Variants in FAM98B observed in about 807,000 individuals in gnomAD.
The protein encoded by FAM98B is tRNA splicing ligase complex subunit 3B, also known as tRNA-splicing ligase complex subunit FAM98B.
FAM98B carries 32 observed loss-of-function variants against 43.9 expected under a neutral mutation model. That is an observed-to-expected ratio of 0.73 (90% CI 0.55 to 0.98). The LOEUF is 0.98. Among genes scored for constraint, FAM98B ranks in the 50% least tolerant of loss-of-function variants. The pLI is 0.00. For synonymous variants in FAM98B, 190 were observed against 174.0 expected, an observed-to-expected ratio of 1.09 and a Z score of -0.72; for missense variants, 514 against 522.9, an observed-to-expected ratio of 0.98 and a Z score of 0.17.
At chr15:38,484,206 A>C in intron 7 of FAM98B, 49 bp from the exon 8 acceptor site, 1 of 1,522,262 alleles carries the variant, frequency 6.6e-7, no homozygotes, top group Non-Finnish European at 8.9e-7. Flanking sequence ...ACTTTTATGT[A>C]AACTTTTTTG....
At chr15:38,481,769 A>G (rs1566901631) in intron 7 of FAM98B, 2 of 735,330 alleles carry the variant, frequency 2.7e-6, no homozygotes, top group Non-Finnish European at 4.2e-6. Flanking sequence ...ATCTTTCGGA[A>G]TTGTTTCAAG....
chr15:38,465,345 C>G lies in FAM98B; in HGVS notation c.294C>G (p.Leu98=). 1 of 1,610,408 alleles carries G rather than the reference C, an allele frequency of 6.2e-7. No individual in the cohort carries two copies. The highest frequency in any genetic ancestry group is 8.5e-7 in the Non-Finnish European group (1 of 1,178,524). The stretch of plus-strand genomic sequence containing the variant: ...AAATGGCATGTCCATATTCTGTACT[C>G]ATATCAGGAGATATTAAAGATCGTT... ...LKEMACPYSV[L]ISGDIKDRLK... The change falls in exon 3 of 8, where the codon CTC becomes CTG. Residue 98 remains leucine (L), a synonymous_variant. Transcript: ENST00000397609.
intron 4 of FAM98B, chr15:38,470,648 A>G (rs1595800633): frequency 3.4e-6 from 1 of 296,666 alleles, no homozygotes; most frequent in East Asian, 6.2e-5. Flanking sequence ...GTTTACCATG[A>G]TAGAAATCAC....
At position 38,459,175 on chromosome 15, in the gene FAM98B, C is replaced by T. The variant is rs1040930738; in HGVS notation, c.72-4857C>T. ...GTGGTCTCCTCAATCTCTGTAGGCA[C>T]TGTGAAGCTAGCATTGTTGCTGGGC... On this transcript the variant is annotated intron_variant, in intron 1 of 7. Coordinates refer to ENST00000397609, the MANE Select transcript of FAM98B (RefSeq NM_173611.4). The T allele has an allele frequency of 6.3e-5, 25 of 396,426 alleles. No homozygotes were observed. In the East Asian group the frequency reaches 1.6e-3, roughly 25 times the overall value. 24.6% of individuals were successfully genotyped at this position (396,426 alleles called of 1,614,324 possible). A position where few individuals can be genotyped will look rare whatever the true frequency, so the allele number is the denominator to read the frequency against.
At position 38,465,300 on chromosome 15, in the gene FAM98B, G is replaced by C. The variant is rs774412398; in HGVS notation, c.249G>C (p.Glu83Asp). ...GRDDLESFQLEISGFLKEMAC... is the reference protein window; with the variant it reads ...GRDDLESFQLDISGFLKEMAC... ...ATGATCTAGAGAGCTTCCAGCTTGA[G>C]ATAAGTGGCTTTTTAAAAGAAATGG... The change falls in exon 3 of 8, where the codon GAG becomes GAC. Residue 83 changes from glutamate to aspartate, a missense_variant. Glu to Asp is a conservative substitution (Grantham distance 45, BLOSUM62 2). Coordinates refer to ENST00000397609, the MANE Select transcript of FAM98B (RefSeq NM_173611.4). 15 of 1,610,668 alleles carry C rather than the reference G, an allele frequency of 9.3e-6. No individual in the cohort carries two copies. The highest frequency in any genetic ancestry group is 1.2e-5 in the Non-Finnish European group (14 of 1,179,048).
Position 38,481,430 on chromosome 15 carries a change from C to G in FAM98B, c.868C>G (p.Arg290Gly). The G allele has an allele frequency of 1.2e-6, 2 of 1,614,150 alleles. No individual in the cohort carries two copies. The highest frequency in any genetic ancestry group is 1.7e-6 in the Non-Finnish European group (2 of 1,180,026). Residue 290 changes from arginine to glycine, a missense_variant, in exon 7 of 8, where the codon CGG (arginine) becomes GGG (glycine). Physicochemically the swap from Arg to Gly is moderately radical, Grantham distance 125. Around this residue, in one of 2 missense-constraint regions of FAM98B, gnomAD observed 469 missense variants for 451.8 expected, o/e 1.04. Transcript: ENST00000397609. ...KIIRTSSGTS[R>G]EKTACAINKV... Reference sequence around the variant, plus strand: ...CATTAGGACAAGTAGTGGCACCAGCCGGGAGAAGACCGCATGTGCCATTAA... The same window carrying G: ...CATTAGGACAAGTAGTGGCACCAGCGGGGAGAAGACCGCATGTGCCATTAA...
intron 1 of FAM98B, among the ~76,000 whole-genome samples, chr15:38,454,512 C>T (rs1005014744): frequency 6.6e-6 from 1 of 152,208 alleles, no homozygotes; most frequent in Admixed American, 6.5e-5. Flanking sequence ...GCGGAGCGGC[C>T]CTTCTAGCAC....
At chr15:38,481,131 T>A (rs1890277056) in intron 6 of FAM98B, among the ~76,000 whole-genome samples, 161 bp from the exon 7 acceptor site, 2 of 152,214 alleles carry the variant, frequency 1.3e-5, no homozygotes, top group African/African-American at 2.4e-5. Context: ...TTATTTGTTC[T>A]AAATTATTCA....
intron 3 of FAM98B, among the ~76,000 whole-genome samples, chr15:38,468,351 C>T (rs934197009): frequency 3.3e-5 from 5 of 152,034 alleles, no homozygotes; most frequent in Non-Finnish European, 4.4e-5. Flanking sequence ...TCTCAGCCTG[C>T]ATAACTGGGA....
At chr15:38,464,869 T>A (rs1890005076) in intron 2 of FAM98B, among the ~76,000 whole-genome samples, 1 of 152,156 alleles carries the variant, frequency 6.6e-6, no homozygotes, top group African/African-American at 2.4e-5. Context: ...CCCAAGTAGT[T>A]GAAACTGCAG....
chr15:38,479,098 A>G (rs1048778269), intron 6 of FAM98B, among the ~76,000 whole-genome samples: 3 of 151,972 alleles, frequency 2.0e-5, no homozygotes, highest in Non-Finnish European at 4.4e-5. Flanking sequence ...AGCTGGGACT[A>G]CAGACGTGTG....
intron 1 of FAM98B, among the ~76,000 whole-genome samples, chr15:38,457,432 T>C (rs552905444): frequency 1.3e-5 from 2 of 152,230 alleles, no homozygotes; most frequent in Admixed American, 1.3e-4. Context: ...ATATGGAGAA[T>C]GCAGAGGAAT....
At position 38,484,758 on chromosome 15, in the gene FAM98B, C is replaced by T; in HGVS notation, c.*99C>T. The T allele has an allele frequency of 1.4e-6, 2 of 1,449,978 alleles. No homozygotes were observed. Among genetic ancestry groups the T allele is most frequent in the East Asian group, 2.8e-5 (1 of 35,250 alleles). 89.8% of individuals were successfully genotyped at this position (1,449,978 alleles called of 1,614,324 possible). A position where few individuals can be genotyped will look rare whatever the true frequency, so the allele number is the denominator to read the frequency against. On this transcript the variant is annotated 3_prime_UTR_variant, in exon 8 of 8. Coordinates refer to ENST00000397609, the MANE Select transcript of FAM98B (RefSeq NM_173611.4). ...TGAATATCATCTTTGAAGTAAACAC[C>T]ATGTTAGACTCCCTGGTGATACCAC...
chr15:38,475,964 C>T (rs1890193618), intron 6 of FAM98B, among the ~76,000 whole-genome samples: 1 of 152,040 alleles, frequency 6.6e-6, no homozygotes, highest in African/African-American at 2.4e-5. Flanking sequence ...CCACTTACTG[C>T]AGTTTTGCTG....
At position 38,473,552 on chromosome 15, in the gene FAM98B, A is replaced by G. The variant is rs1258646256; in HGVS notation, c.579A>G (p.Pro193=). 2.5e-6 allele frequency: 4 copies of G among 1,611,044 alleles called. No homozygotes were observed. The highest frequency in any genetic ancestry group is 2.2e-5 in the South Asian group (2 of 90,356). The change falls in exon 5 of 8, where the codon CCA becomes CCG. Residue 193 remains proline (P), a synonymous_variant. Coordinates refer to ENST00000397609, the MANE Select transcript of FAM98B (RefSeq NM_173611.4). ...TCCAGAAAAATCATGTGGGAAAACCACTGCTGAAAATGGATTTAAATTCAG... is the reference window on the plus strand; with the variant it reads ...TCCAGAAAAATCATGTGGGAAAACCGCTGCTGAAAATGGATTTAAATTCAG... ...SKVQKNHVGK[P]LLKMDLNSEQ...
In FAM98B at chr15:38,485,042, C is replaced by A. The variant is rs1890348309; in HGVS notation, c.*383C>A. ...TCAGGTTTGAGACATATAAAAGACC[C>A]CACCTGTAATAGAAAGGAATATAGA... On this transcript the variant is annotated 3_prime_UTR_variant, in exon 8 of 8. Transcript: ENST00000397609. 1 of 163,440 alleles carries A rather than the reference C, an allele frequency of 6.1e-6. No individual in the cohort carries two copies. The highest frequency in any genetic ancestry group is 2.4e-5 in the African/African-American group (1 of 41,602). 10.1% of individuals were successfully genotyped at this position (163,440 alleles called of 1,614,324 possible). A position where few individuals can be genotyped will look rare whatever the true frequency, so the allele number is the denominator to read the frequency against.
intron 3 of FAM98B, 77 bp downstream of exon 3, chr15:38,465,480 G>A: frequency 7.6e-7 from 1 of 1,323,818 alleles, no homozygotes; most frequent in Non-Finnish European, 1.0e-6. Flanking sequence ...TATTAATGAA[G>A]CATTAGACAT....
At position 38,484,797 on chromosome 15, in the gene FAM98B, A is replaced by G; in HGVS notation, c.*138A>G. On this transcript the variant is annotated 3_prime_UTR_variant, in exon 8 of 8. Transcript: ENST00000397609. ...TGGTGATACCACTCTTGAATTGGTTAATATGTAAGAACATTGTTTTTTATT... is the reference window on the plus strand; with the variant it reads ...TGGTGATACCACTCTTGAATTGGTTGATATGTAAGAACATTGTTTTTTATT... 7.7e-7 allele frequency: 1 copy of G among 1,290,646 alleles called. No homozygotes were observed. The highest frequency in any genetic ancestry group is 1.0e-6 in the Non-Finnish European group (1 of 992,300). 79.9% of individuals were successfully genotyped at this position (1,290,646 alleles called of 1,614,324 possible). A position where few individuals can be genotyped will look rare whatever the true frequency, so the allele number is the denominator to read the frequency against.
At chr15:38,478,375 G>T (rs776908364) in intron 6 of FAM98B, among the ~76,000 whole-genome samples, 2 of 151,806 alleles carry the variant, frequency 1.3e-5, no homozygotes, top group Non-Finnish European at 2.9e-5. Flanking sequence ...ATCAGTTTTG[G>T]CCTTTCATTT....
Sources: gnomAD v4.1 joint callset for allele counts (sites outside exome capture counted in the v4.1 genomes callset) on GRCh38, gnomAD v4.1.1 for gene constraint, gnomAD v4.1.1 regional missense constraint, MANE v1.5 for transcripts, NCBI Gene and HGNC (gene_info 2026-07-23, HGNC 2026-07-21) for gene names.